Variants in PABPC4 observed in about 807,000 individuals in gnomAD.
PABPC4 encodes polyadenylate-binding protein 4.
Under a neutral mutation model 74.5 loss-of-function variants are expected in PABPC4, and 15 were observed. The ratio of observed to expected loss-of-function variants is 0.20; its 90% CI spans 0.13 to 0.31. The LOEUF is 0.31. PABPC4 is among the 10% of genes least tolerant of loss of function. The pLI is 1.00. For missense variants in PABPC4, 610 were observed against 853.5 expected (o/e 0.71, Z 3.55); for synonymous variants, 345 against 303.0 (o/e 1.14, Z -1.44).
intron 7 of PABPC4, among the ~76,000 whole-genome samples, chr1:39,566,829 G>C (rs991456004): frequency 1.3e-5 from 2 of 152,128 alleles, no homozygotes; most frequent in African/African-American, 2.4e-5. Context: ...GTCAAGGGGG[G>C]GGTCATAGCA....
chr1:39,573,274 T>C (rs1645968934), intron 1 of PABPC4: 1 of 152,104 alleles, frequency 6.6e-6, no homozygotes, highest in Non-Finnish European at 1.5e-5. Context: ...GTCATCAAAA[T>C]GGACACAACT....
chr1:39,565,527 C>A, intron 7 of PABPC4, 149 bp from the exon 8 acceptor site: 1 of 762,970 alleles, frequency 1.3e-6, no homozygotes, highest in Non-Finnish European at 2.1e-6. Flanking sequence ...TGTAGTGAGA[C>A]CTCATCTCAA....
chr1:39,573,775 C>T (rs1159960636), intron 1 of PABPC4, among the ~76,000 whole-genome samples: 1 of 152,130 alleles, frequency 6.6e-6, no homozygotes, highest in Admixed American at 6.5e-5. Flanking sequence ...GCTGAGATCG[C>T]GCCATTGCAC....
rs1322174582 is a variant in PABPC4 at position 39,575,224 on chromosome 1, T to A, written c.193+535A>T. On this transcript the variant is annotated intron_variant, in intron 1 of 15. Transcript: ENST00000372858. ...AGCTTTTGTGGCACTAACCTAAGTC[T>A]CTGCGAAAGTTTAACGCACAGAAAC... is the stretch of plus-strand genomic sequence containing the variant. Among the ~76,000 whole-genome samples, 3 of 152,332 alleles carry A rather than the reference T, an allele frequency of 2.0e-5. No homozygotes were observed. In the East Asian group the frequency reaches 5.8e-4, roughly 29 times the overall value.
chr1:39,570,262 T>C (rs1645919206), intron 3 of PABPC4, among the ~76,000 whole-genome samples: 1 of 152,216 alleles, frequency 6.6e-6, no homozygotes, highest in South Asian at 2.1e-4. Context: ...TGAAGAAACC[T>C]GATGGCCATG....
At chr1:39,574,540 T>A (rs944818687) in intron 1 of PABPC4, among the ~76,000 whole-genome samples, 1 of 152,204 alleles carries the variant, frequency 6.6e-6, no homozygotes, top group African/African-American at 2.4e-5. Flanking sequence ...TGGTACATTA[T>A]CCCTTAAAAA....
Position 39,576,177 on chromosome 1 carries a change from A to C in PABPC4, c.-226T>G. The stretch of plus-strand genomic sequence containing the variant: ...GCAGACAAAAGGCTCTCCGCACAAT[A>C]CGGCCCTCCCCGCGACTTTGCACTT... On this transcript the variant is annotated 5_prime_UTR_variant, in exon 1 of 16. Coordinates refer to ENST00000372858, the MANE Select transcript of PABPC4 (RefSeq NM_001135653.2). 4.6e-6 allele frequency: 2 copies of C among 435,378 alleles called. No homozygotes were observed. The highest frequency in any genetic ancestry group is 4.8e-5 in the South Asian group (1 of 20,664). 27.0% of individuals were successfully genotyped at this position (435,378 alleles called of 1,614,324 possible).
intron 1 of PABPC4, among the ~76,000 whole-genome samples, chr1:39,573,741 C>A (rs1209647270): frequency 3.3e-5 from 5 of 152,130 alleles, no homozygotes. Flanking sequence ...ATTGTTTGGA[C>A]CCAGGAGTCA....
chr1:39,562,345 G>C lies in PABPC4; in HGVS notation c.1740C>G (p.Pro580=), dbSNP rs201997383. 1.8e-5 allele frequency: 29 copies of C among 1,614,006 alleles called. No homozygotes were observed. The highest frequency in any genetic ancestry group is 2.4e-5 in the Non-Finnish European group (28 of 1,179,942). The stretch of plus-strand genomic sequence containing the variant: ...CACCCAGCATCTGCTTCTGTTCCTG[G>C]GGGGGTGCTGCAGCCAGCATGGAGG... ...LTASMLAAAP[P]QEQKQMLGER... is the part of the protein sequence containing the mutation. Residue 580 remains proline, a synonymous_variant, in exon 13 of 16, where the codon CCC becomes CCG. Transcript: ENST00000372858.
At chr1:39,561,303 G>A (rs1645765970) in intron 15 of PABPC4, 181 bp from the exon 16 acceptor site, 3 of 341,440 alleles carry the variant, frequency 8.8e-6, no homozygotes, top group Non-Finnish European at 1.7e-5. Flanking sequence ...AGCATCTCTG[G>A]TCTTTACCAC....
In PABPC4 at chr1:39,568,856, T is replaced by G. The variant is rs527925881; in HGVS notation, c.822A>C (p.Ala274=). 3.5e-5 allele frequency: 56 copies of G among 1,614,184 alleles called. No individual in the cohort carries two copies. The South Asian group carries it at 5.5e-4, about 16-fold the overall frequency. The change falls in exon 6 of 16, where the codon GCA becomes GCC. Residue 274 remains alanine, a synonymous_variant. Coordinates refer to ENST00000372858, the MANE Select transcript of PABPC4 (RefSeq NM_001135653.2). Reference sequence around the variant, plus strand: ...ACTGTTCAAATTTCCGTTTTAACTCTGCCTGCCGTTCTACTTTCTTTTGTG... The same window carrying G: ...ACTGTTCAAATTTCCGTTTTAACTCGGCCTGCCGTTCTACTTTCTTTTGTG... ...GRAQKKVERQ[A]ELKRKFEQLK...
At chr1:39,572,665 C>T in intron 1 of PABPC4, 79 bp from the exon 2 acceptor site, 8 of 1,084,938 alleles carry the variant, frequency 7.4e-6, no homozygotes, top group Non-Finnish European at 1.1e-5. Context: ...CAGATTACTC[C>T]AGGACTTTTC....
intron 1 of PABPC4, chr1:39,572,794 GA>G (rs1280838391): frequency 2.0e-6 from 1 of 493,226 alleles, no homozygotes; most frequent in East Asian, 2.9e-5. Flanking sequence ...CTTCATGACA[GA>G]AGTCTAAACA....
At position 39,562,348 on chromosome 1, in the gene PABPC4, G is replaced by A. The variant is rs780498130; in HGVS notation, c.1737C>T (p.Pro579=). 8.1e-6 allele frequency: 13 copies of A among 1,613,992 alleles called. No homozygotes were observed. In the Admixed American group the frequency reaches 2.0e-4, roughly 25 times the overall value. The change falls in exon 13 of 16, where the codon CCC becomes CCT. Residue 579 remains proline (P), a synonymous_variant. Coordinates refer to ENST00000372858, the MANE Select transcript of PABPC4 (RefSeq NM_001135653.2). ...CCAGCATCTGCTTCTGTTCCTGGGG[G>A]GGTGCTGCAGCCAGCATGGAGGCAG... ...PLTASMLAAA[P]PQEQKQMLGE... is the part of the protein sequence containing the mutation.
intron 5 of PABPC4, 128 bp downstream of exon 5, chr1:39,569,467 G>C (rs1186303648): frequency 2.8e-6 from 2 of 706,410 alleles, no homozygotes; most frequent in Admixed American, 4.4e-5. Flanking sequence ...TGATCCCAGA[G>C]TATAGTAATG....
At chr1:39,563,478 G>T in intron 12 of PABPC4, 136 bp downstream of exon 12, 1 of 1,143,064 alleles carries the variant, frequency 8.7e-7, no homozygotes, top group Non-Finnish European at 1.2e-6. Context: ...GAAGGGCAGG[G>T]ACAGTGAATC....
chr1:39,562,486 T>C (rs1052465037), intron 12 of PABPC4, 70 bp from the exon 13 acceptor site: 2 of 1,104,780 alleles, frequency 1.8e-6, no homozygotes, highest in Non-Finnish European at 2.7e-6. Flanking sequence ...TGAGTGCCTG[T>C]TCAATATCTG....
chr1:39,562,198 G>A lies in PABPC4; in HGVS notation c.1768C>T (p.Arg590Cys), dbSNP rs747916449. 3.7e-6 allele frequency: 6 copies of A among 1,614,144 alleles called. No individual in the cohort carries two copies. The East Asian group carries it at 1.1e-4, about 30-fold the overall frequency. Residue 590 changes from arginine to cysteine, a missense_variant, in exon 14 of 16, where the codon CGC becomes TGC. Around this residue, in one of 4 missense-constraint regions of PABPC4, gnomAD observed 277 missense variants for 301.8 expected, o/e 0.92. Transcript: ENST00000372858. ...ATTGTTTGGATGAGTGGGAACAAGC[G>A]TTCTCCTATGGGGAGGATAGTTAAT... The part of the protein sequence containing the change: ...PQEQKQMLGE[R>C]LFPLIQTMHS...
intron 6 of PABPC4, 88 bp downstream of exon 6, chr1:39,568,714 C>T: frequency 7.7e-7 from 1 of 1,297,190 alleles, no homozygotes; most frequent in Non-Finnish European, 1.1e-6. Context: ...ACTCCAAGTC[C>T]TCAAAAAGAA....
Sources: gnomAD v4.1 joint callset for allele counts (sites outside exome capture counted in the v4.1 genomes callset) on GRCh38, gnomAD v4.1.1 for gene constraint, gnomAD v4.1.1 regional missense constraint, MANE v1.5 for transcripts, NCBI Gene and HGNC (gene_info 2026-07-23, HGNC 2026-07-21) for gene names.